ENTPD1: variants seen among roughly 807,000 people sequenced by gnomAD.
ENTPD1 encodes ectonucleoside triphosphate diphosphohydrolase 1.
Under a neutral mutation model 57.0 loss-of-function variants are expected in ENTPD1, and 33 were observed. That is an observed-to-expected ratio of 0.58 (90% CI 0.44 to 0.77). ENTPD1 has a LOEUF of 0.77. Ranked by LOEUF, ENTPD1 falls within the 30% of genes least tolerant of loss-of-function variation. The probability of loss-of-function intolerance (pLI) is 0.00; values close to 1 mark genes in which losing one functional copy is unlikely to be tolerated. For missense variants in ENTPD1, 501 were observed against 603.4 expected, an observed-to-expected ratio of 0.83 and a Z score of 1.78; for synonymous variants, 202 against 218.8, an observed-to-expected ratio of 0.92 and a Z score of 0.68.
At position 95,870,954 on chromosome 10, in the gene ENTPD1, C is replaced by A. The variant is rs766810225; in HGVS notation, c.*4571C>A. ...GGGTGGATCAGACCTATTCCATATA[C>A]CTCTTGTTCTCCTTGTCCAGTGGTT... On this transcript the variant is annotated 3_prime_UTR_variant, in exon 10 of 10. Coordinates refer to ENST00000371205, the MANE Select transcript of ENTPD1 (RefSeq NM_001776.6). The A allele has an allele frequency of 8.5e-5, 84 of 985,322 alleles. No homozygotes were observed. Among genetic ancestry groups the A allele is most frequent in the Non-Finnish European group, 9.4e-5 (78 of 829,938 alleles). 61.0% of individuals were successfully genotyped at this position (985,322 alleles called of 1,614,324 possible). A position where few individuals can be genotyped will look rare whatever the true frequency, so the allele number is the denominator to read the frequency against.
intron 1 of ENTPD1, among the ~76,000 whole-genome samples, chr10:95,737,338 A>C (rs2097995688): frequency 6.6e-6 from 1 of 152,216 alleles, no homozygotes. Context: ...GGCCTAATTT[A>C]GAAATGGAAA....
intron 1 of ENTPD1, among the ~76,000 whole-genome samples, chr10:95,748,447 A>T (rs1386691787): frequency 6.6e-6 from 1 of 152,184 alleles, no homozygotes; most frequent in Non-Finnish European, 1.5e-5. Context: ...GAATAATAAA[A>T]CATATCCCCA....
At chr10:95,747,541 C>T (rs2098007407) in intron 1 of ENTPD1, among the ~76,000 whole-genome samples, 1 of 152,202 alleles carries the variant, frequency 6.6e-6, no homozygotes, top group African/African-American at 2.4e-5. Context: ...TCTGTCCCCC[C>T]TATCTGGCCC....
chr10:95,731,274 T>A (rs1433376162), intron 1 of ENTPD1, among the ~76,000 whole-genome samples: 1 of 152,054 alleles, frequency 6.6e-6, no homozygotes. Flanking sequence ...ATCAGGGGGC[T>A]TCTGGTTAGG....
chr10:95,707,952 G>A (rs1021349254), upstream of ENTPD1, among the ~76,000 whole-genome samples: 2 of 151,952 alleles, frequency 1.3e-5, no homozygotes, highest in Admixed American at 6.6e-5. Context: ...TGATTTATGC[G>A]TTGTTCTGTA....
At chr10:95,748,501 G>A (rs923288552) in intron 1 of ENTPD1, among the ~76,000 whole-genome samples, 3 of 152,082 alleles carry the variant, frequency 2.0e-5, no homozygotes, top group Non-Finnish European at 2.9e-5. Flanking sequence ...CCCTAATCTT[G>A]TTTTATCTGT....
chr10:95,714,305 C>T (rs74572907), intron 1 of ENTPD1, among the ~76,000 whole-genome samples: 1 of 151,816 alleles, frequency 6.6e-6, no homozygotes, highest in African/African-American at 2.4e-5. Context: ...TAGAATGAGA[C>T]CCTGTCTCGA....
intron 1 of ENTPD1, among the ~76,000 whole-genome samples, chr10:95,777,376 C>G (rs2098138003): frequency 6.6e-6 from 1 of 152,202 alleles, no homozygotes; most frequent in Non-Finnish European, 1.5e-5. Flanking sequence ...AGTTTTCCTT[C>G]TAACAGTCAG....
At chr10:95,762,419 G>T in intron 1 of ENTPD1, among the ~76,000 whole-genome samples, 1 of 149,438 alleles carries the variant, frequency 6.7e-6, no homozygotes. Flanking sequence ...ACTATGCCTG[G>T]GTTGTTTCTC....
chr10:95,869,765 C>A lies in ENTPD1; in HGVS notation c.*3382C>A. 4 of 817,886 alleles carry A rather than the reference C, an allele frequency of 4.9e-6. No individual in the cohort carries two copies. Among genetic ancestry groups the A allele is most frequent in the South Asian group, 5.6e-5 (1 of 17,806 alleles). The allele number at this position is 817,886 out of a possible 1,614,324, so 50.7% of individuals were successfully genotyped here. A position where few individuals can be genotyped will look rare whatever the true frequency, so the allele number is the denominator to read the frequency against. On this transcript the variant is annotated 3_prime_UTR_variant, in exon 10 of 10. Coordinates refer to ENST00000371205, the MANE Select transcript of ENTPD1 (RefSeq NM_001776.6). The stretch of plus-strand genomic sequence containing the variant: ...TATGGTACACTCAAACTGGGTAACA[C>A]AGGAGAGTTTTCAGAAAGCAACTAA...
At chr10:95,774,105 T>C (rs1351199134) in intron 1 of ENTPD1, among the ~76,000 whole-genome samples, 4 of 152,280 alleles carry the variant, frequency 2.6e-5, no homozygotes, top group Non-Finnish European at 5.9e-5. Context: ...CATTTTTTAA[T>C]GTGTCTGTTG....
intron 1 of ENTPD1, among the ~76,000 whole-genome samples, chr10:95,744,214 C>T (rs1180385978): frequency 6.6e-6 from 1 of 151,872 alleles, no homozygotes; most frequent in Non-Finnish European, 1.5e-5. Context: ...TGTCTGTCAT[C>T]CATTTACATA....
At chr10:95,755,776 T>C (rs1200440569), upstream of ENTPD1, 1 of 1,534,668 alleles carries the variant, frequency 6.5e-7, no homozygotes, top group South Asian at 1.2e-5. Flanking sequence ...GGTAACAACT[T>C]TCTTATTATC....
Position 95,872,616 on chromosome 10 carries a change from C to A in ENTPD1, c.*6233C>A. 1 of 985,440 alleles carries A rather than the reference C, an allele frequency of 1.0e-6. No homozygotes were observed. Among genetic ancestry groups the A allele is most frequent in the Non-Finnish European group, 1.2e-6 (1 of 829,936 alleles). The allele number at this position is 985,440 out of a possible 1,614,324, so 61.0% of individuals were successfully genotyped here. ...CATTCTGTTCAGTGTCTGGGTGAAG[C>A]TTCCTGGTGAAAAATATGTTACCTA... On this transcript the variant is annotated 3_prime_UTR_variant, in exon 10 of 10. Coordinates refer to ENST00000371205, the MANE Select transcript of ENTPD1 (RefSeq NM_001776.6).
intron 1 of ENTPD1, among the ~76,000 whole-genome samples, chr10:95,749,677 A>G (rs545679517): frequency 1.3e-5 from 2 of 152,312 alleles, no homozygotes; most frequent in African/African-American, 4.8e-5. Context: ...CCAGGCAGAA[A>G]GAACAGCATA....
At chr10:95,821,406 ATGTT>A (rs1330835067) in intron 1 of ENTPD1, among the ~76,000 whole-genome samples, 1 of 152,158 alleles carries the variant, frequency 6.6e-6, no homozygotes, top group Non-Finnish European at 1.5e-5. Context: ...AGGCAGGACA[ATGTT>A]TGAGGATGAA....
At chr10:95,802,539 T>C (rs145097648) in intron 1 of ENTPD1, among the ~76,000 whole-genome samples, 7,498 of 152,214 alleles carry the variant, frequency 0.049, 220 homozygotes, top group Middle Eastern at 0.058. Context: ...ACATGTGCCA[T>C]GTTGGTTTGC....
chr10:95,739,644 C>T (rs1365718721), intron 1 of ENTPD1, among the ~76,000 whole-genome samples: 1 of 152,108 alleles, frequency 6.6e-6, no homozygotes, highest in Non-Finnish European at 1.5e-5. Flanking sequence ...AGTCTTGAAC[C>T]CCTCCAAGTC....
At chr10:95,705,053 A>G in the ENTPD1 span, among the ~76,000 whole-genome samples, 2 of 152,178 alleles carry the variant, frequency 1.3e-5, no homozygotes, top group African/African-American at 4.8e-5. Context: ...TCATTATCAA[A>G]GAAGTTCAAA....
Sources: gnomAD v4.1 joint callset for allele counts (sites outside exome capture counted in the v4.1 genomes callset) on GRCh38, gnomAD v4.1.1 for gene constraint, MANE v1.5 for transcripts, NCBI Gene and HGNC (gene_info 2026-07-23, HGNC 2026-07-21) for gene names.